NOL4: variants seen among roughly 807,000 people sequenced by gnomAD.
The protein encoded by NOL4 is cancer/testis antigen 125.
NOL4 carries 17 observed loss-of-function variants against 75.9 expected under a neutral mutation model. The observed-to-expected ratio is 0.22, with a 90% CI of 0.15 to 0.34. NOL4 has a LOEUF of 0.34. Ranked by LOEUF, NOL4 falls within the 10% of genes least tolerant of loss-of-function variation. NOL4 has a pLI of 1.00. For synonymous variants in NOL4, 292 were observed against 289.9 expected (o/e 1.01, Z -0.07); for missense variants, 614 against 793.5 (o/e 0.77, Z 2.72).
intron 9 of NOL4, among the ~76,000 whole-genome samples, chr18:33,891,755 A>G (rs2065108757): frequency 6.6e-6 from 1 of 152,202 alleles, no homozygotes; most frequent in Non-Finnish European, 1.5e-5. Flanking sequence ...GGTAGAATCA[A>G]TTCAAACTAT....
chr18:34,118,074 T>C (rs2079946154), intron 2 of NOL4, among the ~76,000 whole-genome samples: 1 of 152,228 alleles, frequency 6.6e-6, no homozygotes, highest in Non-Finnish European at 1.5e-5. Context: ...CCTTTTCAGA[T>C]ACTGAACTTT....
At chr18:34,098,821 G>C (rs1243176241) in intron 4 of NOL4, among the ~76,000 whole-genome samples, 1 of 152,080 alleles carries the variant, frequency 6.6e-6, no homozygotes, top group African/African-American at 2.4e-5. Flanking sequence ...CTCTCTACCA[G>C]TTTAATCATT....
At chr18:34,123,486 T>G (rs2080241372) in intron 2 of NOL4, among the ~76,000 whole-genome samples, 1 of 148,270 alleles carries the variant, frequency 6.7e-6, no homozygotes, top group Non-Finnish European at 1.5e-5. Context: ...AAAAGTAATG[T>G]GTTTATATTC....
chr18:34,071,250 T>C (rs578136164), intron 5 of NOL4, among the ~76,000 whole-genome samples: 2 of 152,180 alleles, frequency 1.3e-5, no homozygotes, highest in African/African-American at 4.8e-5. Flanking sequence ...AACAAAATAG[T>C]GAACAAAGCT....
intron 9 of NOL4, among the ~76,000 whole-genome samples, chr18:33,927,051 A>G (rs1026052387): frequency 1.3e-5 from 2 of 152,230 alleles, no homozygotes; most frequent in Non-Finnish European, 2.9e-5. Flanking sequence ...TGTCACTTAC[A>G]TTTTCATAGA....
intron 9 of NOL4, among the ~76,000 whole-genome samples, chr18:33,885,185 A>G (rs1174563517): frequency 2.6e-5 from 4 of 152,158 alleles, no homozygotes; most frequent in Non-Finnish European, 4.4e-5. Flanking sequence ...CCTCTGAGAT[A>G]TATTTAATGC....
intron 1 of NOL4, among the ~76,000 whole-genome samples, chr18:34,197,172 C>A (rs2035392106): frequency 6.6e-6 from 1 of 151,934 alleles, no homozygotes; most frequent in Non-Finnish European, 1.5e-5. Context: ...AGTCAATATT[C>A]TATTCCATTT....
intron 1 of NOL4, among the ~76,000 whole-genome samples, chr18:34,203,516 A>T (rs1392026495): frequency 1.3e-5 from 2 of 151,850 alleles, no homozygotes; most frequent in Admixed American, 1.3e-4. Flanking sequence ...TTTGGATGTG[A>T]TAATATTATA....
intron 9 of NOL4, among the ~76,000 whole-genome samples, chr18:33,912,439 T>C (rs2066466771): frequency 6.6e-6 from 1 of 152,078 alleles, no homozygotes; most frequent in African/African-American, 2.4e-5. Flanking sequence ...ACATTAAGTT[T>C]TTATTTGTAT....
intron 2 of NOL4, among the ~76,000 whole-genome samples, chr18:34,107,049 G>A (rs1038354104): frequency 6.6e-6 from 1 of 152,220 alleles, no homozygotes; most frequent in East Asian, 1.9e-4. Context: ...AGATAGGTAA[G>A]TGCTGGAGTT....
chr18:33,896,063 A>C (rs2065384719), intron 9 of NOL4, among the ~76,000 whole-genome samples: 1 of 152,096 alleles, frequency 6.6e-6, no homozygotes, highest in African/African-American at 2.4e-5. Context: ...GGACTCAAAA[A>C]GAATAAAATA....
At chr18:33,973,692 A>G (rs1007094814) in intron 6 of NOL4, among the ~76,000 whole-genome samples, 1 of 152,174 alleles carries the variant, frequency 6.6e-6, no homozygotes, top group Non-Finnish European at 1.5e-5. Context: ...GTGTATCTCC[A>G]TCAGAGCTCT....
At chr18:33,903,277 T>C (rs1055219546) in intron 9 of NOL4, among the ~76,000 whole-genome samples, 2 of 152,098 alleles carry the variant, frequency 1.3e-5, no homozygotes, top group African/African-American at 4.8e-5. Flanking sequence ...CATCCGATCT[T>C]GTAAGAACTC....
At chr18:33,855,359 T>A (rs1240968593) in intron 10 of NOL4, among the ~76,000 whole-genome samples, 1 of 152,064 alleles carries the variant, frequency 6.6e-6, no homozygotes, top group Non-Finnish European at 1.5e-5. Flanking sequence ...TGCATATCAA[T>A]TACAAGTAAA....
intron 6 of NOL4, among the ~76,000 whole-genome samples, chr18:33,997,650 T>C (rs549790100): frequency 8.7e-5 from 13 of 148,648 alleles, no homozygotes; most frequent in African/African-American, 3.2e-4. Flanking sequence ...TAAATAAGTA[T>C]ATATACTTTA....
intron 6 of NOL4, among the ~76,000 whole-genome samples, chr18:33,993,396 G>A (rs962922406): frequency 1.3e-5 from 2 of 151,950 alleles, no homozygotes; most frequent in African/African-American, 4.8e-5. Flanking sequence ...TTAACATGAT[G>A]TAGTAGAAAG....
At chr18:34,138,629 C>T (rs936497441) in intron 1 of NOL4, among the ~76,000 whole-genome samples, 14 of 152,088 alleles carry the variant, frequency 9.2e-5, no homozygotes, top group Non-Finnish European at 1.9e-4. Flanking sequence ...CAAACAGGGA[C>T]AATTTGACTT....
At chr18:34,124,105 T>G (rs530887337) in intron 2 of NOL4, among the ~76,000 whole-genome samples, 4 of 152,110 alleles carry the variant, frequency 2.6e-5, no homozygotes, top group Non-Finnish European at 4.4e-5. Flanking sequence ...AAACAATGCA[T>G]CTGTATTAAA....
At chr18:33,990,730 G>C (rs1234685037) in intron 6 of NOL4, among the ~76,000 whole-genome samples, 1 of 151,834 alleles carries the variant, frequency 6.6e-6, no homozygotes, top group African/African-American at 2.4e-5. Flanking sequence ...ATTTAAAGAA[G>C]TACTTATCAC....
Sources: allele counts gnomAD v4.1 joint callset (sites outside exome capture counted in the v4.1 genomes callset), GRCh38; gene constraint gnomAD v4.1.1; transcripts MANE v1.5; gene names NCBI Gene and HGNC (gene_info 2026-07-23, HGNC 2026-07-21).